The following ABAT variants were observed in gnomAD, a reference collection of about 807,000 sequenced individuals.
ABAT encodes 4-aminobutyrate aminotransferase.
A neutral mutation model predicts 64.6 loss-of-function variants in ABAT; 45 were observed. That is an observed-to-expected ratio of 0.70 (90% CI 0.55 to 0.89). ABAT has a LOEUF of 0.89. ABAT is among the 40% of genes least tolerant of loss of function. The probability of loss-of-function intolerance (pLI) is 0.00; values close to 1 mark genes in which losing one functional copy is unlikely to be tolerated. For synonymous variants in ABAT, 297 were observed against 250.5 expected, an observed-to-expected ratio of 1.19 and a Z score of -1.75; for missense variants, 633 against 658.4, an observed-to-expected ratio of 0.96 and a Z score of 0.42.
intron 1 of ABAT, among the ~76,000 whole-genome samples, chr16:8,692,948 G>T (rs913635856): frequency 2.6e-5 from 4 of 152,136 alleles, no homozygotes; most frequent in Non-Finnish European, 5.9e-5. Context: ...CCACCTCCCA[G>T]GTTCAAATGA....
chr16:8,751,290 G>A (rs925557900), intron 5 of ABAT, among the ~76,000 whole-genome samples: 4 of 151,882 alleles, frequency 2.6e-5, no homozygotes, highest in East Asian at 3.9e-4. Context: ...CTCACTATGC[G>A]CTGCCCAGGC....
intron 1 of ABAT, among the ~76,000 whole-genome samples, chr16:8,725,400 C>A (rs1353998377): frequency 6.6e-6 from 1 of 152,144 alleles, no homozygotes; most frequent in Non-Finnish European, 1.5e-5. Context: ...CTGCCAACCC[C>A]TGATTTATTT....
chr16:8,747,458 A>G (rs1165728195), intron 3 of ABAT, among the ~76,000 whole-genome samples: 1 of 152,134 alleles, frequency 6.6e-6, no homozygotes, highest in Non-Finnish European at 1.5e-5. Flanking sequence ...GCATGTTTCT[A>G]TTGGGGAGAT....
chr16:8,725,431 T>A (rs1400792089), intron 1 of ABAT, among the ~76,000 whole-genome samples: 1 of 152,216 alleles, frequency 6.6e-6, no homozygotes, highest in African/African-American at 2.4e-5. Flanking sequence ...TAGATTCACC[T>A]ACTCTTGAAG....
chr16:8,723,474 G>A (rs977881108), intron 1 of ABAT, among the ~76,000 whole-genome samples: 4 of 152,268 alleles, frequency 2.6e-5, no homozygotes, highest in Non-Finnish European at 1.5e-5. Flanking sequence ...AGCCTGCAGG[G>A]AAAGTCTGCC....
At chr16:8,688,270 TA>T (rs977697928) in intron 1 of ABAT, among the ~76,000 whole-genome samples, 3 of 152,132 alleles carry the variant, frequency 2.0e-5, no homozygotes, top group African/African-American at 7.2e-5. Flanking sequence ...AACCTCTTAG[TA>T]AGGTGGGAAA....
chr16:8,746,164 A>G, intron 3 of ABAT, 66 bp downstream of exon 3: 1 of 1,269,842 alleles, frequency 7.9e-7, no homozygotes, highest in Non-Finnish European at 1.1e-6. Flanking sequence ...AAGCAAAAGC[A>G]CAGCCAAGCT....
At chr16:8,678,368 G>T (rs1316832181) in intron 1 of ABAT, among the ~76,000 whole-genome samples, 2 of 152,094 alleles carry the variant, frequency 1.3e-5, no homozygotes, top group Admixed American at 6.6e-5. Context: ...GTGAGTTACA[G>T]GAATAAGCCA....
intron 14 of ABAT, among the ~76,000 whole-genome samples, chr16:8,778,473 T>C (rs2060332038): frequency 1.3e-5 from 2 of 152,144 alleles, no homozygotes; most frequent in African/African-American, 4.8e-5. Flanking sequence ...GTCTTCTTCT[T>C]ATAAAGATAC....
At chr16:8,715,721 A>T (rs2142123687) in intron 1 of ABAT, 1 of 151,518 alleles carries the variant, frequency 6.6e-6, no homozygotes, top group Admixed American at 6.6e-5. Context: ...AGATAATAGT[A>T]TTTATAGTAT....
At chr16:8,742,371 A>C (rs1241597418) in intron 2 of ABAT, among the ~76,000 whole-genome samples, 2 of 152,208 alleles carry the variant, frequency 1.3e-5, no homozygotes, top group Non-Finnish European at 2.9e-5. Flanking sequence ...TGGAGAAAAG[A>C]AAGGAGGACG....
chr16:8,689,597 G>A (rs1046726132), intron 1 of ABAT, among the ~76,000 whole-genome samples: 3 of 152,184 alleles, frequency 2.0e-5, no homozygotes, highest in African/African-American at 7.2e-5. Context: ...CACAAATAGA[G>A]GTAACATATG....
chr16:8,751,979 T>C (rs1273646756), intron 5 of ABAT, among the ~76,000 whole-genome samples: 1 of 152,238 alleles, frequency 6.6e-6, no homozygotes, highest in Non-Finnish European at 1.5e-5. Flanking sequence ...AGGCTGTGTC[T>C]GATGAAGCCT....
In ABAT at chr16:8,764,442, C is replaced by T. The variant is rs745609394; in HGVS notation, c.447+293C>T. Among the ~76,000 whole-genome samples the T allele has an allele frequency of 1.3e-5, 2 of 152,186 alleles. No homozygotes were observed. Among genetic ancestry groups the T allele is most frequent in the Middle Eastern group, 3.2e-3 (1 of 316 alleles). On this transcript the variant is annotated intron_variant, in intron 7 of 15. Transcript: ENST00000268251. This position sits in a 1 kb window ranked among gnomAD's most constrained non-coding sequence, Gnocchi z 4.2. ...TTTAGTTACTACAAACGATTAAAGC[C>T]ATTGGGAGCCTCAACGTCCCGCCTG...
intron 2 of ABAT, among the ~76,000 whole-genome samples, chr16:8,742,847 C>T (rs1232119629): frequency 2.5e-5 from 3 of 121,874 alleles, no homozygotes; most frequent in African/African-American, 9.7e-5. Flanking sequence ...GCTTGGGCGA[C>T]AGAGTGAGAC....
At chr16:8,679,541 A>AG (rs1299533595) in intron 1 of ABAT, among the ~76,000 whole-genome samples, 1 of 150,712 alleles carries the variant, frequency 6.6e-6, no homozygotes. Flanking sequence ...AAAAAAAAAA[A>AG]GGTAGAAGGA....
intron 1 of ABAT, among the ~76,000 whole-genome samples, chr16:8,727,094 C>G (rs1329624900): frequency 6.6e-6 from 1 of 151,938 alleles, no homozygotes; most frequent in African/African-American, 2.4e-5. Flanking sequence ...GGTTATTAAT[C>G]CCTTGTGAGA....
At chr16:8,703,790 C>A (rs2057879678) in intron 1 of ABAT, among the ~76,000 whole-genome samples, 1 of 152,218 alleles carries the variant, frequency 6.6e-6, no homozygotes, top group Admixed American at 6.5e-5. Flanking sequence ...CAAACTGTTT[C>A]TGTAAAGGGC....
chr16:8,768,820 C>T lies in ABAT; in HGVS notation c.668-5C>T, dbSNP rs761294594. On this transcript the variant is annotated splice_region_variant and splice_polypyrimidine_tract_variant and intron_variant, in intron 10 of 15. Coordinates refer to ENST00000268251, the MANE Select transcript of ABAT (RefSeq NM_020686.6). The stretch of plus-strand genomic sequence containing the variant: ...GCGTCTGCTTTTCTGTTTTGCTGAA[C>T]TCAGGTTGCTTAGCGACCACGCACT... 4.3e-6 allele frequency: 7 copies of T among 1,614,178 alleles called. No individual in the cohort carries two copies. The highest frequency in any genetic ancestry group is 1.1e-5 in the South Asian group (1 of 91,080).
Sources: allele counts gnomAD v4.1 joint callset (sites outside exome capture counted in the v4.1 genomes callset), GRCh38; gene constraint gnomAD v4.1.1; non-coding constraint Gnocchi (gnomAD v3.1); transcripts MANE v1.5; gene names NCBI Gene and HGNC (gene_info 2026-07-23, HGNC 2026-07-21).